Variants in TTN observed in about 807,000 individuals in gnomAD.
TTN encodes titin.
In TTN, 1,525 loss-of-function variants were observed where a neutral mutation model predicts 3,223.0. The ratio of observed to expected loss-of-function variants is 0.47; its 90% CI spans 0.45 to 0.49. The LOEUF (loss-of-function observed/expected upper bound fraction) is 0.49, where lower values mean the gene tolerates loss of function less well. Among genes scored for constraint, TTN ranks in the 20% least tolerant of loss-of-function variants. The pLI is 0.00. For synonymous variants in TTN, 14,094 were observed against 15,161.0 expected, an observed-to-expected ratio of 0.93 and a Z score of 5.17; for missense variants, 40,786 against 43,424.0, an observed-to-expected ratio of 0.94 and a Z score of 5.40.
Position 178,664,707 on chromosome 2 carries a change from T to C in TTN, c.36149A>G (p.Glu12050Gly). Residue 12050 changes from glutamate to glycine, a missense_variant, in exon 167 of 363, where the codon GAA becomes GGA. Transcript: ENST00000589042. Reference sequence around the variant, plus strand: ...GAGAGGAACCACAAGCGTTTTCTTTTCAGGGACAATTTCTTGGAGAGCTTC... The same window carrying C: ...GAGAGGAACCACAAGCGTTTTCTTTCCAGGGACAATTTCTTGGAGAGCTTC... ...VPEALQEIVP[E>G]KKTLVVPLRK... is the part of the protein sequence containing the mutation. 1 of 1,612,556 alleles carries C rather than the reference T, an allele frequency of 6.2e-7. No homozygotes were observed.
At chr2:178,722,187 TGG>T in intron 77 of TTN, 53 bp from the exon 78 acceptor site, 1 of 1,529,532 alleles carries the variant, frequency 6.5e-7, no homozygotes, top group East Asian at 2.3e-5. Flanking sequence ...TTTTTGCCAT[TGG>T]TCGTTTCTAC....
At position 178,777,402 on chromosome 2, in the gene TTN, T is replaced by G. The variant is rs368119840; in HGVS notation, c.4645+18A>C. ...AGTGATAAGAAAATTCATTTATTTTTATTTTATCTCATTTTACCTTCCACA... is the reference window on the plus strand; with the variant it reads ...AGTGATAAGAAAATTCATTTATTTTGATTTTATCTCATTTTACCTTCCACA... On this transcript the variant is annotated intron_variant, in intron 26 of 362. Coordinates refer to ENST00000589042, the MANE Select transcript of TTN (RefSeq NM_001267550.2). The G allele has an allele frequency of 1.2e-6, 2 of 1,611,888 alleles. No individual in the cohort carries two copies. The highest frequency in any genetic ancestry group is 2.7e-5 in the African/African-American group (2 of 74,760).
At chr2:178,734,678 A>T (rs751777665) in intron 51 of TTN, 29 bp downstream of exon 51, 2 of 1,580,040 alleles carry the variant, frequency 1.3e-6, no homozygotes, top group East Asian at 2.3e-5. Flanking sequence ...TTCTCAGAAA[A>T]ATACTGGATG....
Position 178,667,464 on chromosome 2 carries a change from C to A in TTN, c.35691G>T (p.Lys11897Asn). The change falls in exon 161 of 363, where the codon AAG becomes AAT. Residue 11897 changes from lysine to asparagine, a missense_variant. By Grantham distance (94) the Lys-to-Asn change is moderately conservative (BLOSUM62 0). Transcript: ENST00000589042. ...TACCTTTAGTTGCTGGTGTTTCTCT[C>A]TTTTTAGGAATAGTCACATATATTT... ...EDKIYVTIPK[K>N]RETPATKEPD... 1 of 1,600,744 alleles carries A rather than the reference C, an allele frequency of 6.2e-7. No individual in the cohort carries two copies. The highest frequency in any genetic ancestry group is 1.1e-5 in the South Asian group (1 of 90,684).
chr2:178,759,730 G>A (rs188752384), intron 43 of TTN, among the ~76,000 whole-genome samples: 12 of 152,210 alleles, frequency 7.9e-5, no homozygotes, highest in Middle Eastern at 6.8e-3. Flanking sequence ...GTTTCAGTAC[G>A]CAGTATATAT....
chr2:178,568,790 T>A lies in TTN; in HGVS notation c.77342A>T (p.Asp25781Val), dbSNP rs1338611870. 6.2e-7 allele frequency: 1 copy of A among 1,613,076 alleles called. No individual in the cohort carries two copies. Among genetic ancestry groups the A allele is most frequent in the Non-Finnish European group, 8.5e-7 (1 of 1,179,434 alleles). Residue 25781 changes from aspartate (D) to valine (V), a missense_variant, in exon 326 of 363, where the codon GAT (aspartate) becomes GTT (valine). Transcript: ENST00000589042. ...VVAVNEKGRSDPRSLAVPIVA... is the reference protein window; with the variant it reads ...VVAVNEKGRSVPRSLAVPIVA... ...TATTGGAACTGCAAGGGACCGAGGA[T>A]CACTTCTCCCCTTTTCATTTACAGC... is the stretch of plus-strand genomic sequence containing the variant.
chr2:178,671,292 A>C, intron 155 of TTN, 122 bp from the exon 156 acceptor site: 2 of 623,594 alleles, frequency 3.2e-6, no homozygotes, highest in Non-Finnish European at 5.2e-6. Context: ...AATTTATAAC[A>C]CACTTATTTC....
Position 178,547,388 on chromosome 2 carries a change from G to C in TTN, c.94219+19C>G, listed in dbSNP as rs953671044. The C allele has an allele frequency of 6.3e-7, 1 of 1,584,804 alleles. No homozygotes were observed. Among genetic ancestry groups the C allele is most frequent in the African/African-American group, 1.4e-5 (1 of 73,672 alleles). ...ATTTAATAATAGAGACTTTGAAATA[G>C]GATTTTTATTTTTCTTACCAAATGG... On this transcript the variant is annotated intron_variant, in intron 339 of 362. Transcript: ENST00000589042.
Position 178,712,163 on chromosome 2 carries a change from A to G in TTN, c.27667T>C (p.Ser9223Pro), listed in dbSNP as rs201253546. ...PVKVSVGDSA[S>P]LQCQLAGTPE... ...GTTCCAGCAAGCTGGCATTGTAGAG[A>G]GGCAGAATCTCCAACAGACACCTTA... Residue 9223 changes from serine to proline, a missense_variant, in exon 96 of 363, where the codon TCT becomes CCT. Transcript: ENST00000589042. 69 of 1,613,732 alleles carry G rather than the reference A, an allele frequency of 4.3e-5. No individual in the cohort carries two copies. The highest frequency in any genetic ancestry group is 5.6e-5 in the Non-Finnish European group (66 of 1,179,800).
rs1210587432 is a variant in TTN, at chr2:178,612,044, A to G, written c.50354+13T>C. 3.1e-6 allele frequency: 5 copies of G among 1,604,012 alleles called. No individual in the cohort carries two copies. The South Asian group carries it at 5.6e-5, about 18-fold the overall frequency. On this transcript the variant is annotated intron_variant, in intron 267 of 362. Coordinates refer to ENST00000589042, the MANE Select transcript of TTN (RefSeq NM_001267550.2). ...AGTGTAAGTTATTCTTTATGAATTAATTCAAATTCTACCTCTGTATTGGTC... is the reference window on the plus strand; with the variant it reads ...AGTGTAAGTTATTCTTTATGAATTAGTTCAAATTCTACCTCTGTATTGGTC...
Position 178,632,562 on chromosome 2 carries a change from C to T in TTN, c.43444G>A (p.Glu14482Lys). ...EDEAKYMFEA[E>K]DKHTSGKLII... Reference sequence around the variant, plus strand: ...AGTTTGCCACTTGTGTGCTTATCTTCAGCTTCAAACATGTATTTTGCTTCA... The same window carrying T: ...AGTTTGCCACTTGTGTGCTTATCTTTAGCTTCAAACATGTATTTTGCTTCA... Residue 14482 changes from glutamate (E) to lysine (K), a missense_variant, in exon 235 of 363, where the codon GAA (glutamate) becomes AAA (lysine). By Grantham distance (56) the Glu-to-Lys change is moderately conservative. Coordinates refer to ENST00000589042, the MANE Select transcript of TTN (RefSeq NM_001267550.2). The T allele has an allele frequency of 1.2e-6, 2 of 1,613,330 alleles. No homozygotes were observed. Among genetic ancestry groups the T allele is most frequent in the Non-Finnish European group, 1.7e-6 (2 of 1,179,554 alleles).
chr2:178,573,278 G>A lies in TTN; in HGVS notation c.72854C>T (p.Ser24285Phe). Reference sequence around the variant, plus strand: ...ATATTCATGTCCTTCTGTCAGTCCAGACACTTTATATCTTAAATCAGTAAG... The same window carrying A: ...ATATTCATGTCCTTCTGTCAGTCCAAACACTTTATATCTTAAATCAGTAAG... ...KTLTDLRYKVSGLTEGHEYEF... is the reference protein window; with the variant it reads ...KTLTDLRYKVFGLTEGHEYEF... The change falls in exon 326 of 363, where the codon TCT becomes TTT. Residue 24285 changes from serine (S) to phenylalanine (F), a missense_variant. Physicochemically the swap from Ser to Phe is radical, Grantham distance 155. Transcript: ENST00000589042. The A allele has an allele frequency of 6.2e-7, 1 of 1,600,588 alleles. No individual in the cohort carries two copies. Among genetic ancestry groups the A allele is most frequent in the Non-Finnish European group, 8.5e-7 (1 of 1,173,182 alleles).
rs145039979 is a variant in TTN, at chr2:178,774,108, G to A, written c.7060C>T (p.Arg2354Cys). 133 of 1,614,004 alleles carry A rather than the reference G, an allele frequency of 8.2e-5. 1 individual carries two copies. In the Middle Eastern group the frequency reaches 9.9e-4, roughly 12 times the overall value. The part of the protein sequence containing the change: ...KTTCKLKMKP[R>C]PIAILQGLSD... Reference sequence around the variant, plus strand: ...AGTCCTTGTAGGATAGCAATGGGGCGGGCTGTGAAATATGGGGAGAAAAAG... The same window carrying A: ...AGTCCTTGTAGGATAGCAATGGGGCAGGCTGTGAAATATGGGGAGAAAAAG... The change falls in exon 31 of 363, where the codon CGC becomes TGC. Residue 2354 changes from arginine (R) to cysteine (C), a missense_variant and splice_region_variant. By Grantham distance (180) the Arg-to-Cys change is radical. Coordinates refer to ENST00000589042, the MANE Select transcript of TTN (RefSeq NM_001267550.2).
Position 178,592,209 on chromosome 2 carries a change from T to C in TTN, c.59695A>G (p.Lys19899Glu), listed in dbSNP as rs1450922913. Residue 19899 changes from lysine to glutamate, a missense_variant, in exon 302 of 363, where the codon AAA becomes GAA. By Grantham distance (56) the Lys-to-Glu change is moderately conservative. Transcript: ENST00000589042. Reference sequence around the variant, plus strand: ...GAACCACCATCATCCAGTGGTTCTTTCCAAGTAAGGTAACATGAATCTTTC... The same window carrying C: ...GAACCACCATCATCCAGTGGTTCTTCCCAAGTAAGGTAACATGAATCTTTC... ...IRKDSCYLTW[K>E]EPLDDGGSVI... 3.1e-6 allele frequency: 5 copies of C among 1,611,936 alleles called. No individual in the cohort carries two copies. The highest frequency in any genetic ancestry group is 4.2e-6 in the Non-Finnish European group (5 of 1,179,042).
At chr2:178,709,933 C>T (rs2076413837) in intron 98 of TTN, 77 bp from the exon 99 acceptor site, 1 of 1,423,756 alleles carries the variant, frequency 7.0e-7, no homozygotes, top group Non-Finnish European at 9.4e-7. Context: ...AGAAAAAAAA[C>T]CCTCATATTT....
chr2:178,604,697 G>A lies in TTN; in HGVS notation c.54381+11C>T. ...TTTAATGTGTATAAGAAAATATTCA[G>A]AAGAGTTTACCCCATATCTTTTCTC... On this transcript the variant is annotated intron_variant, in intron 281 of 362. Transcript: ENST00000589042. 1 of 1,588,184 alleles carries A rather than the reference G, an allele frequency of 6.3e-7. No individual in the cohort carries two copies. The highest frequency in any genetic ancestry group is 8.6e-7 in the Non-Finnish European group (1 of 1,168,052).
At chr2:178,748,351 T>G (rs1394571633) in intron 47 of TTN, 1 of 1,613,176 alleles carries the variant, frequency 6.2e-7, no homozygotes. Context: ...TAGTTCTATT[T>G]GAAAGCTCTT....
rs68003004 is a variant in TTN at position 178,802,103 on chromosome 2, G to A, written c.295+35C>T. 0.07 allele frequency: 113,165 copies of A among 1,611,258 alleles called. 4,655 individuals carry two copies. Among genetic ancestry groups the A allele is most frequent in the Non-Finnish European group, 0.082 (96,503 of 1,177,930 alleles). On this transcript the variant is annotated intron_variant, in intron 3 of 362. Coordinates refer to ENST00000589042, the MANE Select transcript of TTN (RefSeq NM_001267550.2). ...CCAATTTGCTGGAGATGTCCTCTGG[G>A]GGAGCAGAGGATTGGCAGGTCCCCA...
rs1232554975 is a variant in TTN, at chr2:178,804,660, A to G, written c.-13-5T>C. On this transcript the variant is annotated splice_polypyrimidine_tract_variant and splice_region_variant and intron_variant, in intron 1 of 362. Transcript: ENST00000589042. Reference sequence around the variant, plus strand: ...GTTGTCATCTTTCTAGGCACTCTGAAAAAGAAGAGAAAATAAATTAGGGTG... The same window carrying G: ...GTTGTCATCTTTCTAGGCACTCTGAGAAAGAAGAGAAAATAAATTAGGGTG... 1.1e-5 allele frequency: 18 copies of G among 1,613,020 alleles called. No homozygotes were observed. The highest frequency in any genetic ancestry group is 1.4e-5 in the Non-Finnish European group (17 of 1,179,472).
Sources: gnomAD v4.1 joint callset for allele counts (sites outside exome capture counted in the v4.1 genomes callset) on GRCh38, gnomAD v4.1.1 for gene constraint, MANE v1.5 for transcripts, NCBI Gene and HGNC (gene_info 2026-07-23, HGNC 2026-07-21) for gene names.